The following IFFO1 variants were observed in gnomAD, a reference collection of about 807,000 sequenced individuals.
IFFO1 encodes intermediate filament family orphan 1.
Under a neutral mutation model 59.6 loss-of-function variants are expected in IFFO1, and 42 were observed. The observed-to-expected ratio is 0.70, with a 90% confidence interval of 0.55 to 0.91. The LOEUF (loss-of-function observed/expected upper bound fraction) is 0.91. Ranked by LOEUF, IFFO1 falls within the 40% of genes least tolerant of loss-of-function variation. The pLI is 0.00. For missense variants in IFFO1, 711 were observed against 793.2 expected (o/e 0.90, Z 1.24); for synonymous variants, 336 against 342.8 (o/e 0.98, Z 0.22).
chr12:6,541,034 A>AAAG lies in IFFO1; in HGVS notation c.1611-447_1611-446insCTT, dbSNP rs1565561554. Among the ~76,000 whole-genome samples, 1 of 151,646 alleles carries AAAG rather than the reference A, an allele frequency of 6.6e-6. No homozygotes were observed. The highest frequency in any genetic ancestry group is 2.4e-5 in the African/African-American group (1 of 41,198). On this transcript the variant is annotated intron_variant, in intron 9 of 9. Coordinates refer to ENST00000619571, the MANE Select transcript of IFFO1 (RefSeq NM_001193457.2). This position sits in a 1 kb window ranked among gnomAD's most constrained non-coding sequence, Gnocchi z 4.8. ...GTTGTAGTGAGCCAAAAAAAAAAAA[A>AAAG]AAAGAAATAGCTGAAGTCACAGTAG...
In IFFO1 at chr12:6,555,069, G is replaced by A. The variant is rs780333443; in HGVS notation, c.773+188C>T. Among the ~76,000 whole-genome samples, 17 of 152,188 alleles carry A rather than the reference G, an allele frequency of 1.1e-4. No individual in the cohort carries two copies. The highest frequency in any genetic ancestry group is 2.2e-4 in the Non-Finnish European group (15 of 68,034). On this transcript the variant is annotated intron_variant, in intron 1 of 9. Coordinates refer to ENST00000619571, the MANE Select transcript of IFFO1 (RefSeq NM_001193457.2). This position sits in a 1 kb window ranked among gnomAD's most constrained non-coding sequence, Gnocchi z 8.6. ...CTCCCAGCGTCCTTCTTCCTGTCAC[G>A]AGCAGGGCTTCTGCATTCTCTGCGG... is the stretch of plus-strand genomic sequence containing the variant.
At chr12:6,546,016 C>T (rs1287880322) in intron 8 of IFFO1, among the ~76,000 whole-genome samples, 1 of 152,148 alleles carries the variant, frequency 6.6e-6, no homozygotes, top group Admixed American at 6.5e-5. Flanking sequence ...TTGGTAAGCT[C>T]TACAGTAAGA....
At chr12:6,553,880 T>C (rs1947333283) in intron 1 of IFFO1, among the ~76,000 whole-genome samples, 1 of 152,166 alleles carries the variant, frequency 6.6e-6, no homozygotes, top group Non-Finnish European at 1.5e-5. Context: ...TCTGATGCTT[T>C]CACGGGAGAC....
chr12:6,545,860 C>T (rs1172355120), intron 8 of IFFO1, among the ~76,000 whole-genome samples: 1 of 152,076 alleles, frequency 6.6e-6, no homozygotes, highest in Non-Finnish European at 1.5e-5. Flanking sequence ...TTCAAGGAAC[C>T]CTTATTTTTA....
At chr12:6,540,641 G>C (rs1022183588) in intron 9 of IFFO1, 53 bp from the exon 10 acceptor site, 48 of 1,436,800 alleles carry the variant, frequency 3.3e-5, no homozygotes, top group Middle Eastern at 3.5e-4. Flanking sequence ...TCCTGAAGAC[G>C]GACGGCACTC....
At chr12:6,544,743 T>A (rs1026919251) in intron 8 of IFFO1, 5 of 152,226 alleles carry the variant, frequency 3.3e-5, no homozygotes, top group African/African-American at 1.2e-4. Context: ...TGGGGAGTAC[T>A]GGTTTCCCTT....
At chr12:6,552,492 A>G (rs1278838467) in intron 1 of IFFO1, among the ~76,000 whole-genome samples, 3 of 152,162 alleles carry the variant, frequency 2.0e-5, no homozygotes, top group African/African-American at 7.2e-5. Context: ...GCATCAGATT[A>G]TGTTTTCTTA....
intron 8 of IFFO1, among the ~76,000 whole-genome samples, chr12:6,545,509 C>T (rs1946912108): frequency 6.6e-6 from 1 of 152,068 alleles, no homozygotes; most frequent in Non-Finnish European, 1.5e-5. Flanking sequence ...TCCTGGCTAA[C>T]ACGGTGAAAC....
rs1166832688 is a variant in IFFO1, at chr12:6,541,262, C to A, written c.1610+250G>T. ...TTCCTTGCCAGTTTTTAAACTGCCTCTAACCAGGGGAACCACCAGAGCTGG... is the reference window on the plus strand; with the variant it reads ...TTCCTTGCCAGTTTTTAAACTGCCTATAACCAGGGGAACCACCAGAGCTGG... On this transcript the variant is annotated intron_variant, in intron 9 of 9. Coordinates refer to ENST00000619571, the MANE Select transcript of IFFO1 (RefSeq NM_001193457.2). The surrounding 1 kb of genome is among the most constrained non-coding windows in gnomAD (Gnocchi z 4.8). Among the ~76,000 whole-genome samples, 1 of 152,326 alleles carries A rather than the reference C, an allele frequency of 6.6e-6. No individual in the cohort carries two copies. The highest frequency in any genetic ancestry group is 1.9e-4 in the East Asian group (1 of 5,186).
At position 6,541,597 on chromosome 12, in the gene IFFO1, C is replaced by A; in HGVS notation, c.1525G>T (p.Glu509Ter). Residue 509 changes from glutamate (E) to a stop codon, truncating the protein, a stop_gained, in exon 9 of 10, where the codon GAG becomes TAG. Coordinates refer to ENST00000619571, the MANE Select transcript of IFFO1 (RefSeq NM_001193457.2). LOFTEE classifies it high-confidence loss of function. The surrounding 1 kb of genome is among the most constrained non-coding windows in gnomAD (Gnocchi z 4.8). ...TTCATGCTGCACATCTCCATGTACT[C>A]GTGCAGGTGCCGGTTCATGTCGTTC... is the stretch of plus-strand genomic sequence containing the variant. ...AKNDMNRHLHEYMEMCSMKRG... is the reference protein window; with the variant it reads ...AKNDMNRHLH 2 of 1,614,178 alleles carry A rather than the reference C, an allele frequency of 1.2e-6. No individual in the cohort carries two copies. Among genetic ancestry groups the A allele is most frequent in the Non-Finnish European group, 1.7e-6 (2 of 1,180,016 alleles).
In IFFO1 at chr12:6,548,246, A is replaced by G. The variant is rs1256548834; in HGVS notation, c.1384-86T>C. 2.2e-6 allele frequency: 3 copies of G among 1,361,190 alleles called. No homozygotes were observed. Among genetic ancestry groups the G allele is most frequent in the Non-Finnish European group, 3.2e-6 (3 of 952,224 alleles). 84.3% of individuals were successfully genotyped at this position (1,361,190 alleles called of 1,614,324 possible). A position where few individuals can be genotyped will look rare whatever the true frequency, so the allele number is the denominator to read the frequency against. On this transcript the variant is annotated intron_variant, in intron 7 of 9. Coordinates refer to ENST00000619571, the MANE Select transcript of IFFO1 (RefSeq NM_001193457.2). The surrounding 1 kb of genome is among the most constrained non-coding windows in gnomAD (Gnocchi z 6.1). ...AAAGGGCCAAGTCAGGGAGAGAGAG[A>G]GAGAGGAAGTCTGGTTAAAGAAACT...
chr12:6,545,851 T>TC (rs1214731403), intron 8 of IFFO1, among the ~76,000 whole-genome samples: 5 of 152,204 alleles, frequency 3.3e-5, no homozygotes, highest in Admixed American at 1.3e-4. Context: ...GTGCCCGTGT[T>TC]CAAGGAACCC....
At chr12:6,542,238 T>G (rs1452831749) in intron 8 of IFFO1, among the ~76,000 whole-genome samples, 2 of 152,186 alleles carry the variant, frequency 1.3e-5, no homozygotes, top group Non-Finnish European at 2.9e-5. Context: ...AAAGGAAGAC[T>G]CCCATATTGG....
chr12:6,549,072 G>C lies in IFFO1; in HGVS notation c.1081-223C>G. 1.7e-6 allele frequency: 1 copy of C among 582,462 alleles called. No homozygotes were observed. Among genetic ancestry groups the C allele is most frequent in the Non-Finnish European group, 3.0e-6 (1 of 329,674 alleles). The allele number at this position is 582,462 out of a possible 1,614,324, so 36.1% of individuals were successfully genotyped here. A position where few individuals can be genotyped will look rare whatever the true frequency, so the allele number is the denominator to read the frequency against. On this transcript the variant is annotated intron_variant, in intron 5 of 9. Coordinates refer to ENST00000619571, the MANE Select transcript of IFFO1 (RefSeq NM_001193457.2). The surrounding 1 kb of genome is among the most constrained non-coding windows in gnomAD (Gnocchi z 5.0). ...CGAGAAGGCAGAACAAGAAGAAATC[G>C]AGAAGAAGAGCAGTCAGACAAGGAA... is the stretch of plus-strand genomic sequence containing the variant.
At chr12:6,547,491 G>T (rs1285237992) in intron 8 of IFFO1, among the ~76,000 whole-genome samples, 2 of 152,122 alleles carry the variant, frequency 1.3e-5, no homozygotes, top group Admixed American at 1.3e-4. Flanking sequence ...CGAGGCAGGA[G>T]GATCACTTAA....
intron 8 of IFFO1, among the ~76,000 whole-genome samples, chr12:6,542,939 G>C (rs1592201706): frequency 6.6e-6 from 1 of 152,218 alleles, no homozygotes; most frequent in East Asian, 1.9e-4. Flanking sequence ...ACTGCCACCA[G>C]TAGTCTCTGC....
Position 6,549,406 on chromosome 12 carries a change from G to C in IFFO1, c.1080+70C>G. On this transcript the variant is annotated intron_variant, in intron 5 of 9. Coordinates refer to ENST00000619571, the MANE Select transcript of IFFO1 (RefSeq NM_001193457.2). The surrounding 1 kb of genome is among the most constrained non-coding windows in gnomAD (Gnocchi z 5.0). ...AAGAGCCCAGCGGGCCCAAACTGAG[G>C]GCCAGGAGGCCTAGGCAGCTTAGAA... is the stretch of plus-strand genomic sequence containing the variant. 1.3e-6 allele frequency: 2 copies of C among 1,584,606 alleles called. No individual in the cohort carries two copies. The highest frequency in any genetic ancestry group is 1.7e-6 in the Non-Finnish European group (2 of 1,155,040).
At chr12:6,545,903 A>T (rs558193630) in intron 8 of IFFO1, among the ~76,000 whole-genome samples, 3 of 152,306 alleles carry the variant, frequency 2.0e-5, no homozygotes, top group African/African-American at 7.2e-5. Context: ...AAGAGTAGTG[A>T]TGCTGGCAAT....
chr12:6,553,415 C>G (rs1206066997), intron 1 of IFFO1, among the ~76,000 whole-genome samples: 1 of 152,114 alleles, frequency 6.6e-6, no homozygotes, highest in Non-Finnish European at 1.5e-5. Flanking sequence ...CTGCTGAGCG[C>G]GTAGTTAACT....
Sources: gnomAD v4.1 joint callset for allele counts (sites outside exome capture counted in the v4.1 genomes callset) on GRCh38, gnomAD v4.1.1 for gene constraint, Gnocchi (gnomAD v3.1) non-coding constraint, MANE v1.5 for transcripts, NCBI Gene and HGNC (gene_info 2026-07-23, HGNC 2026-07-21) for gene names.